SNX1: variants seen among roughly 807,000 people sequenced by gnomAD.
SNX1 encodes sorting nexin-1.
SNX1 carries 36 observed loss-of-function variants against 71.8 expected under a neutral mutation model. The observed-to-expected ratio is 0.50, with a 90% CI of 0.38 to 0.66. The LOEUF (loss-of-function observed/expected upper bound fraction) is 0.66. Among genes scored for constraint, SNX1 ranks in the 30% least tolerant of loss-of-function variants. The pLI, the probability that SNX1 is intolerant of heterozygous loss-of-function variation, is 0.00. For synonymous variants in SNX1, 254 were observed against 240.7 expected (o/e 1.06, Z -0.51); for missense variants, 612 against 646.7 (o/e 0.95, Z 0.58).
chr15:64,096,008 A>T lies in SNX1; in HGVS notation c.-6A>T. On this transcript the variant is annotated 5_prime_UTR_variant, in exon 1 of 15. Coordinates refer to ENST00000559844, the MANE Select transcript of SNX1 (RefSeq NM_003099.5). ...TTGTTGCGGCTTCCGCCGCGGGTGGAAGAAGATGGCGTCGGGTGGTGGTGG... is the reference window on the plus strand; with the variant it reads ...TTGTTGCGGCTTCCGCCGCGGGTGGTAGAAGATGGCGTCGGGTGGTGGTGG... The T allele has an allele frequency of 2.5e-6, 4 of 1,594,212 alleles. No individual in the cohort carries two copies. The highest frequency in any genetic ancestry group is 3.4e-6 in the Non-Finnish European group (4 of 1,174,480).
chr15:64,112,247 A>C (rs1041636046), intron 1 of SNX1, among the ~76,000 whole-genome samples: 2 of 152,216 alleles, frequency 1.3e-5, no homozygotes, highest in African/African-American at 2.4e-5. Context: ...ATTTGAAAGA[A>C]TAAAGGTCAT....
At chr15:64,099,256 A>G (rs542663874) in intron 1 of SNX1, among the ~76,000 whole-genome samples, 3 of 152,340 alleles carry the variant, frequency 2.0e-5, no homozygotes, top group African/African-American at 2.4e-5. Flanking sequence ...TAAAAAGTGA[A>G]TAATACTAGT....
At chr15:64,118,645 A>G (rs2081157762) in intron 3 of SNX1, 143 bp from the exon 4 acceptor site, 1 of 606,116 alleles carries the variant, frequency 1.6e-6, no homozygotes, top group Non-Finnish European at 2.8e-6. Flanking sequence ...GAGTTGGTAC[A>G]TTGGGATTGT....
chr15:64,111,429 T>G (rs979962967), intron 1 of SNX1: 1 of 152,224 alleles, frequency 6.6e-6, no homozygotes, highest in Non-Finnish European at 1.5e-5. Context: ...ATGTTTCTTT[T>G]CTTGTTCTTT....
chr15:64,107,895 T>A (rs1028392488), intron 1 of SNX1, among the ~76,000 whole-genome samples: 1 of 152,156 alleles, frequency 6.6e-6, no homozygotes, highest in Non-Finnish European at 1.5e-5. Flanking sequence ...AGGAGTTTTT[T>A]AAAAATATGG....
intron 1 of SNX1, among the ~76,000 whole-genome samples, chr15:64,098,673 C>T (rs1741499180): frequency 7.8e-6 from 1 of 128,014 alleles, no homozygotes; most frequent in Non-Finnish European, 1.6e-5. Flanking sequence ...CTAGGTGACA[C>T]AGCAAGACTC....
In SNX1 at chr15:64,138,389, T is replaced by G; in HGVS notation, c.*771T>G. On this transcript the variant is annotated 3_prime_UTR_variant, in exon 15 of 15. Transcript: ENST00000559844. ...AGCCTTTCTCTTTTATTCTTCCTGC[T>G]TCCCTAAGCTGCTCAGGGTTCTCTG... 1 of 537,258 alleles carries G rather than the reference T, an allele frequency of 1.9e-6. No homozygotes were observed. Among genetic ancestry groups the G allele is most frequent in the Non-Finnish European group, 3.2e-6 (1 of 314,674 alleles). 33.3% of individuals were successfully genotyped at this position (537,258 alleles called of 1,614,324 possible).
In SNX1 at chr15:64,136,404, G is replaced by T; in HGVS notation, c.1440G>T (p.Arg480=). 6.2e-7 allele frequency: 1 copy of T among 1,613,636 alleles called. No homozygotes were observed. Among genetic ancestry groups the T allele is most frequent in the Non-Finnish European group, 8.5e-7 (1 of 1,179,528 alleles). ...ISTVVRKEVI[R]FEKEKSKDFK... ...CAGTGGTCCGAAAAGAAGTGATACG[G>T]TTTGAGGTGAGATAGAAAATCCTAC... The change falls in exon 13 of 15, where the codon CGG becomes CGT. Residue 480 remains arginine, a synonymous_variant. Coordinates refer to ENST00000559844, the MANE Select transcript of SNX1 (RefSeq NM_003099.5).
At chr15:64,123,479 T>C (rs766064790) in intron 4 of SNX1, 24 bp from the exon 5 acceptor site, 1 of 1,608,070 alleles carries the variant, frequency 6.2e-7, no homozygotes, top group Non-Finnish European at 8.5e-7. Context: ...CAAGATAATC[T>C]TCTGCTTTCT....
chr15:64,108,927 G>A (rs1471817007), intron 1 of SNX1, among the ~76,000 whole-genome samples: 4 of 151,682 alleles, frequency 2.6e-5, no homozygotes, highest in East Asian at 3.9e-4. Flanking sequence ...GGTAGAGGTT[G>A]CAGTGAGCCG....
At chr15:64,132,144 G>A (rs555110603) in intron 11 of SNX1, among the ~76,000 whole-genome samples, 70 of 152,308 alleles carry the variant, frequency 4.6e-4, no homozygotes, top group African/African-American at 1.5e-3. Flanking sequence ...TTGAATTTCC[G>A]AATAGGTTGC....
In SNX1 at chr15:64,137,889, A is replaced by T; in HGVS notation, c.*271A>T. 1 of 1,403,068 alleles carries T rather than the reference A, an allele frequency of 7.1e-7. No homozygotes were observed. The highest frequency in any genetic ancestry group is 9.2e-7 in the Non-Finnish European group (1 of 1,082,990). 86.9% of individuals were successfully genotyped at this position (1,403,068 alleles called of 1,614,324 possible). ...TGGGATGGGGTGGAGTATTGATATA[A>T]ATATATAAATACAAATGTATATTTT... On this transcript the variant is annotated 3_prime_UTR_variant, in exon 15 of 15. Transcript: ENST00000559844.
intron 1 of SNX1, among the ~76,000 whole-genome samples, chr15:64,097,794 CT>C (rs2080918931): frequency 6.6e-6 from 1 of 152,172 alleles, no homozygotes; most frequent in Non-Finnish European, 1.5e-5. Context: ...TTCACAGTAG[CT>C]ACTCAGTGTG....
intron 2 of SNX1, among the ~76,000 whole-genome samples, chr15:64,115,068 A>G (rs1418383462): frequency 6.6e-6 from 1 of 152,194 alleles, no homozygotes; most frequent in African/African-American, 2.4e-5. Context: ...AAAGAAAGTG[A>G]ATTTTCTATC....
rs1276931665 is a variant in SNX1 at position 64,143,809 on chromosome 15, A to G, written c.*6191A>G. On this transcript the variant is annotated 3_prime_UTR_variant, in exon 15 of 15. Transcript: ENST00000559844. ...ACATTCACTGAGGATCCTCATAGGC[A>G]CTTCTAGAAACCAAATCCTTGAAGA... The G allele has an allele frequency of 1.3e-5, 2 of 152,240 alleles. No homozygotes were observed. Among genetic ancestry groups the G allele is most frequent in the African/African-American group, 4.8e-5 (2 of 41,462 alleles). The allele number at this position is 152,240 out of a possible 1,614,324, so 9.4% of individuals were successfully genotyped here. A position where few individuals can be genotyped will look rare whatever the true frequency, so the allele number is the denominator to read the frequency against.
chr15:64,108,400 G>C (rs1291596676), intron 1 of SNX1, among the ~76,000 whole-genome samples: 1 of 152,080 alleles, frequency 6.6e-6, no homozygotes, highest in Non-Finnish European at 1.5e-5. Context: ...AGCATATGAA[G>C]TGTGTTATAA....
intron 3 of SNX1, among the ~76,000 whole-genome samples, 160 bp downstream of exon 3, chr15:64,118,404 C>T (rs2081155462): frequency 6.6e-6 from 1 of 152,194 alleles, no homozygotes; most frequent in East Asian, 1.9e-4. Flanking sequence ...AGGAGTCTTT[C>T]TTGAGCAGAG....
At chr15:64,105,016 C>T (rs1348499600) in intron 1 of SNX1, among the ~76,000 whole-genome samples, 2 of 151,944 alleles carry the variant, frequency 1.3e-5, no homozygotes, top group Non-Finnish European at 2.9e-5. Flanking sequence ...GGGTGGATCA[C>T]CTGAGGTCAG....
At chr15:64,099,922 G>C (rs2080941103) in intron 1 of SNX1, among the ~76,000 whole-genome samples, 1 of 152,186 alleles carries the variant, frequency 6.6e-6, no homozygotes, top group East Asian at 1.9e-4. Flanking sequence ...ATGTTGGCCA[G>C]GCTGGTCAGG....
Sources: allele counts gnomAD v4.1 joint callset (sites outside exome capture counted in the v4.1 genomes callset), GRCh38; gene constraint gnomAD v4.1.1; transcripts MANE v1.5; gene names NCBI Gene and HGNC (gene_info 2026-07-23, HGNC 2026-07-21).